MARCHF5: variants seen among roughly 807,000 people sequenced by gnomAD.
MARCHF5 encodes E3 ubiquitin-protein ligase MARCHF5.
A neutral mutation model predicts 36.5 loss-of-function variants in MARCHF5; 5 were observed. The ratio of observed to expected loss-of-function variants is 0.14; its 90% CI spans 0.07 to 0.29. The LOEUF (loss-of-function observed/expected upper bound fraction) is 0.29, where lower values mean the gene tolerates loss of function less well. Among genes scored for constraint, MARCHF5 ranks in the 10% least tolerant of loss-of-function variants. The pLI is 1.00. For synonymous variants in MARCHF5, 103 were observed against 109.9 expected (o/e 0.94, Z 0.39); for missense variants, 179 against 336.3 (o/e 0.53, Z 3.66).
At chr10:92,291,841 C>A (rs6144027) in intron 1 of MARCHF5, among the ~76,000 whole-genome samples, 2 of 147,524 alleles carry the variant, frequency 1.4e-5, no homozygotes, top group Non-Finnish European at 2.9e-5. Flanking sequence ...CCTCCCCCTT[C>A]CCCCTCCCCA....
At chr10:92,339,795 C>A (rs181569782) in intron 2 of MARCHF5, among the ~76,000 whole-genome samples, 96 of 152,240 alleles carry the variant, frequency 6.3e-4, no homozygotes, top group Non-Finnish European at 3.1e-4. Flanking sequence ...GGCTTAGTGG[C>A]AGTCAGAATA....
At position 92,297,514 on chromosome 10, in the gene MARCHF5, A is replaced by T. The variant is rs187569112; in HGVS notation, c.35+5985A>T. 3.7e-3 allele frequency among the ~76,000 whole-genome samples: 468 copies of T among 127,614 alleles called. 2 individuals carry two copies. The highest frequency in any genetic ancestry group is 0.014 in the African/African-American group (457 of 32,518). The allele number at this position is 127,614 out of a possible 152,430, so 83.7% of individuals were successfully genotyped here. On this transcript the variant is annotated intron_variant, in intron 1 of 5. Coordinates refer to ENST00000358935, the MANE Select transcript of MARCHF5 (RefSeq NM_017824.5). ...TTTTTTTTTTTTTTTTTTGAGACAG[A>T]GTCTCACCCTGCCACCCAAGCTGGA...
chr10:92,291,533 C>G lies in MARCHF5; in HGVS notation c.35+4C>G, dbSNP rs1376298484. The G allele has an allele frequency of 6.5e-7, 1 of 1,542,534 alleles. No individual in the cohort carries two copies. The highest frequency in any genetic ancestry group is 2.5e-5 in the East Asian group (1 of 39,944). On this transcript the variant is annotated splice_donor_region_variant and intron_variant, in intron 1 of 5. Transcript: ENST00000358935. ...CCCTACAGCAGATGCTGGACAGGTA[C>G]GGGCAGCTGTGGGGGGGACCGGGAG...
At chr10:92,339,061 AAAATT>A (rs1843540502) in intron 2 of MARCHF5, among the ~76,000 whole-genome samples, 1 of 148,748 alleles carries the variant, frequency 6.7e-6, no homozygotes, top group African/African-American at 2.6e-5. Flanking sequence ...AAAAAAATTA[AAAATT>A]AAATTAAAAA....
Position 92,351,284 on chromosome 10 carries a change from C to T in MARCHF5, c.*77C>T. On this transcript the variant is annotated 3_prime_UTR_variant, in exon 6 of 6. Transcript: ENST00000358935. ...TTGTTTTGATTCCATCATTAATGCACTTGTGGAGACTTGTGATAAGCTGCT... is the reference window on the plus strand; with the variant it reads ...TTGTTTTGATTCCATCATTAATGCATTTGTGGAGACTTGTGATAAGCTGCT... The T allele has an allele frequency of 1.2e-6, 1 of 826,436 alleles. No individual in the cohort carries two copies. Among genetic ancestry groups the T allele is most frequent in the African/African-American group, 1.7e-5 (1 of 57,744 alleles). 51.2% of individuals were successfully genotyped at this position (826,436 alleles called of 1,614,324 possible). A position where few individuals can be genotyped will look rare whatever the true frequency, so the allele number is the denominator to read the frequency against.
At position 92,351,231 on chromosome 10, in the gene MARCHF5, G is replaced by T. The variant is rs199521046; in HGVS notation, c.*24G>T. 2.8e-5 allele frequency: 39 copies of T among 1,375,520 alleles called. No homozygotes were observed. The highest frequency in any genetic ancestry group is 8.6e-5 in the Admixed American group (5 of 58,252). The allele number at this position is 1,375,520 out of a possible 1,614,324, so 85.2% of individuals were successfully genotyped here. ...AAAACTGACTTCTGGTTGTTCTGCA[G>T]TTCTCTCATCCTTATGAATCTGTTG... On this transcript the variant is annotated 3_prime_UTR_variant, in exon 6 of 6. Coordinates refer to ENST00000358935, the MANE Select transcript of MARCHF5 (RefSeq NM_017824.5).
intron 3 of MARCHF5, among the ~76,000 whole-genome samples, chr10:92,346,945 T>C (rs1843651530): frequency 6.6e-6 from 1 of 152,206 alleles, no homozygotes; most frequent in South Asian, 2.1e-4. Context: ...ACAAAGGATT[T>C]TTTCAAATAT....
Position 92,325,159 on chromosome 10 carries a change from C to T in MARCHF5, c.238+13822C>T, listed in dbSNP as rs140722905. 1.3e-3 allele frequency among the ~76,000 whole-genome samples: 194 copies of T among 152,028 alleles called. 1 individual carries two copies. The highest frequency in any genetic ancestry group is 9.7e-3 in the East Asian group (50 of 5,172). On this transcript the variant is annotated intron_variant, in intron 2 of 5. Coordinates refer to ENST00000358935, the MANE Select transcript of MARCHF5 (RefSeq NM_017824.5). ...ACCAGCCTGAGCAACATAGTGAGAC[C>T]CTGTCTCTACAAAAAAAAAGAAAAA... is the stretch of plus-strand genomic sequence containing the variant.
intron 2 of MARCHF5, among the ~76,000 whole-genome samples, chr10:92,313,624 G>A (rs1843173080): frequency 6.6e-6 from 1 of 151,864 alleles, no homozygotes; most frequent in African/African-American, 2.4e-5. Flanking sequence ...AATTGTGGCG[G>A]GTCACAGTGG....
intron 3 of MARCHF5, among the ~76,000 whole-genome samples, chr10:92,349,080 C>A (rs772007965): frequency 3.9e-5 from 6 of 152,146 alleles, no homozygotes; most frequent in Admixed American, 3.9e-4. Context: ...GAGGTCCCCG[C>A]CCCTCTATTG....
At chr10:92,331,618 G>A (rs7083185) in intron 2 of MARCHF5, among the ~76,000 whole-genome samples, 10,377 of 151,728 alleles carry the variant, frequency 0.068, 1,146 homozygotes, top group African/African-American at 0.24. Context: ...ATTTTAATAC[G>A]TAGTAAAATG....
In MARCHF5 at chr10:92,315,179, A is replaced by G. The variant is rs537498845; in HGVS notation, c.238+3842A>G. Among the ~76,000 whole-genome samples, 6 of 152,366 alleles carry G rather than the reference A, an allele frequency of 3.9e-5. No individual in the cohort carries two copies. The South Asian group carries it at 1.0e-3, about 26-fold the overall frequency. ...AAGTTGCTTGTATTTCTTGATTAAC[A>G]TGTTACATTCGTATATACTAAGAGT... On this transcript the variant is annotated intron_variant, in intron 2 of 5. Transcript: ENST00000358935.
chr10:92,350,104 G>T, intron 5 of MARCHF5: 1 of 369,314 alleles, frequency 2.7e-6, no homozygotes, highest in Non-Finnish European at 4.8e-6. Flanking sequence ...TTGCCAGTGG[G>T]ATTACAGTAC....
intron 2 of MARCHF5, among the ~76,000 whole-genome samples, chr10:92,319,186 A>G (rs1263144711): frequency 6.6e-6 from 1 of 152,264 alleles, no homozygotes; most frequent in Non-Finnish European, 1.5e-5. Flanking sequence ...TGATGAAGGT[A>G]TAAACAAACC....
Position 92,291,246 on chromosome 10 carries a change from G to A in MARCHF5, c.-249G>A. ...ACCGGAACCTCGGGCCGACGGACGG[G>A]AACCCGGGCCGCGATCGCCGCCTCC... On this transcript the variant is annotated 5_prime_UTR_variant, in exon 1 of 6. Transcript: ENST00000358935. 7.4e-6 allele frequency: 4 copies of A among 540,038 alleles called. No homozygotes were observed. The highest frequency in any genetic ancestry group is 4.6e-5 in the South Asian group (2 of 43,358). 33.5% of individuals were successfully genotyped at this position (540,038 alleles called of 1,614,324 possible).
At chr10:92,341,593 G>GT (rs1843578839) in intron 3 of MARCHF5, among the ~76,000 whole-genome samples, 2 of 151,986 alleles carry the variant, frequency 1.3e-5, no homozygotes, top group Non-Finnish European at 2.9e-5. Flanking sequence ...TATCAACTTA[G>GT]TTTTTTTGTG....
intron 2 of MARCHF5, among the ~76,000 whole-genome samples, chr10:92,337,907 T>TA (rs1843524162): frequency 6.6e-6 from 1 of 151,684 alleles, no homozygotes; most frequent in Admixed American, 6.6e-5. Flanking sequence ...GGCATGGTGG[T>TA]ACATGCCTGT....
Position 92,311,261 on chromosome 10 carries a change from G to A in MARCHF5, c.162G>A (p.Lys54=), listed in dbSNP as rs1470318065. 2 of 1,613,542 alleles carry A rather than the reference G, an allele frequency of 1.2e-6. No homozygotes were observed. The highest frequency in any genetic ancestry group is 1.3e-5 in the African/African-American group (1 of 74,904). Residue 54 remains lysine (K), a synonymous_variant, in exon 2 of 6, where the codon AAG becomes AAA. Transcript: ENST00000358935. ...QACLQRWVDE[K]QRGNSTARVA... ...GTCTACAACGCTGGGTGGATGAAAA[G>A]CAAAGAGGAAACAGTACAGCCAGAG...
intron 3 of MARCHF5, among the ~76,000 whole-genome samples, chr10:92,345,654 C>T (rs1843632977): frequency 6.6e-6 from 1 of 151,242 alleles, no homozygotes; most frequent in South Asian, 2.1e-4. Flanking sequence ...TTTCTCTAAA[C>T]CTGCAATTCT....
Sources: gnomAD v4.1 joint callset for allele counts (sites outside exome capture counted in the v4.1 genomes callset) on GRCh38, gnomAD v4.1.1 for gene constraint, MANE v1.5 for transcripts, NCBI Gene and HGNC (gene_info 2026-07-23, HGNC 2026-07-21) for gene names.